Variants in SPNS2 observed in about 807,000 individuals in gnomAD.
The protein encoded by SPNS2 is SPNS lysolipid transporter 2, sphingosine-1-phosphate, also known as sphingosine-1-phosphate transporter SPNS2.
A neutral mutation model predicts 57.6 loss-of-function variants in SPNS2; 37 were observed. The observed-to-expected ratio is 0.64, with a 90% CI of 0.49 to 0.85. The LOEUF (loss-of-function observed/expected upper bound fraction) is 0.85. Among genes scored for constraint, SPNS2 ranks in the 40% least tolerant of loss-of-function variants. The pLI is 0.00. For missense variants in SPNS2, 831 were observed against 779.1 expected (o/e 1.07, Z -0.79); for synonymous variants, 440 against 346.9 (o/e 1.27, Z -2.98).
At chr17:4,532,809 G>T (rs1340706109) in intron 6 of SPNS2, 125 bp downstream of exon 6, 1 of 1,454,200 alleles carries the variant, frequency 6.9e-7, no homozygotes. Context: ...CTCAGTGCTG[G>T]GAGGGACATT....
At chr17:4,530,501 C>T in intron 3 of SPNS2, 131 bp from the exon 4 acceptor site, 1 of 1,090,566 alleles carries the variant, frequency 9.2e-7, no homozygotes, top group Non-Finnish European at 1.3e-6. Context: ...GGAGGTGCAG[C>T]CCACCAGCAC....
chr17:4,513,174 AAG>A, intron 1 of SPNS2, 71 bp from the exon 2 acceptor site: 1 of 1,538,024 alleles, frequency 6.5e-7, no homozygotes, highest in Non-Finnish European at 9.0e-7. Context: ...CAAGGCGGGA[AAG>A]AGGCTGGGCT....
Position 4,512,889 on chromosome 17 carries a change from CT to C in SPNS2, c.371-357del, listed in dbSNP as rs1305134590. 6.6e-6 allele frequency among the ~76,000 whole-genome samples: 1 copy of C among 152,210 alleles called. No homozygotes were observed. Among genetic ancestry groups the C allele is most frequent in the African/African-American group, 2.4e-5 (1 of 41,464 alleles). ...CTGAGTCATGGGCTTTGTGTTCCCC[CT>C]GAGGGAAAGGCCTATGTCTATTGCA... On this transcript the variant is annotated intron_variant, in intron 1 of 12. Coordinates refer to ENST00000329078, the MANE Select transcript of SPNS2 (RefSeq NM_001124758.3). This position sits in a 1 kb window ranked among gnomAD's most constrained non-coding sequence, Gnocchi z 5.2.
Position 4,537,883 on chromosome 17 carries a change from C to A in SPNS2, c.*435C>A. On this transcript the variant is annotated 3_prime_UTR_variant, in exon 13 of 13. Transcript: ENST00000329078. Reference sequence around the variant, plus strand: ...CTGCAGCTTTGAAGACTCAACAGACCCTGGACCATACGGAGAGCAGGTGGC... The same window carrying A: ...CTGCAGCTTTGAAGACTCAACAGACACTGGACCATACGGAGAGCAGGTGGC... 1 of 438,496 alleles carries A rather than the reference C, an allele frequency of 2.3e-6. No individual in the cohort carries two copies. The highest frequency in any genetic ancestry group is 1.6e-5 in the South Asian group (1 of 63,220). 27.2% of individuals were successfully genotyped at this position (438,496 alleles called of 1,614,324 possible).
intron 11 of SPNS2, 30 bp downstream of exon 11, chr17:4,536,456 C>T (rs770467515): frequency 1.9e-6 from 3 of 1,579,372 alleles, no homozygotes; most frequent in Admixed American, 1.7e-5. Context: ...GGCCCTGCTG[C>T]ACCGCCGGGA....
intron 11 of SPNS2, chr17:4,536,628 G>A (rs1905825176): frequency 7.0e-6 from 5 of 716,952 alleles, no homozygotes; most frequent in South Asian, 5.6e-5. Context: ...GGTGTCTGGT[G>A]GATCCAGACT....
intron 1 of SPNS2, among the ~76,000 whole-genome samples, chr17:4,503,640 G>T (rs1366383898): frequency 6.6e-6 from 1 of 152,222 alleles, no homozygotes; most frequent in Non-Finnish European, 1.5e-5. Flanking sequence ...ATGACTATTT[G>T]GGAACTGAGA....
In SPNS2 at chr17:4,498,959, T is replaced by G. The variant is rs1020399316; in HGVS notation, c.-89T>G. On this transcript the variant is annotated 5_prime_UTR_variant, in exon 1 of 13. Coordinates refer to ENST00000329078, the MANE Select transcript of SPNS2 (RefSeq NM_001124758.3). Reference sequence around the variant, plus strand: ...ACGGGGCCCGACCAGGATGGTGCAGTGGCGGCTCCGCGGCGCACGCACGCG... The same window carrying G: ...ACGGGGCCCGACCAGGATGGTGCAGGGGCGGCTCCGCGGCGCACGCACGCG... 27 of 874,914 alleles carry G rather than the reference T, an allele frequency of 3.1e-5. No individual in the cohort carries two copies. Among genetic ancestry groups the G allele is most frequent in the Non-Finnish European group, 3.6e-5 (26 of 730,200 alleles). The allele number at this position is 874,914 out of a possible 1,614,324, so 54.2% of individuals were successfully genotyped here. A position where few individuals can be genotyped will look rare whatever the true frequency, so the allele number is the denominator to read the frequency against.
Position 4,498,971 on chromosome 17 carries a change from G to A in SPNS2, c.-77G>A, listed in dbSNP as rs1205645332. On this transcript the variant is annotated 5_prime_UTR_variant, in exon 1 of 13. Transcript: ENST00000329078. ...CAGGATGGTGCAGTGGCGGCTCCGC[G>A]GCGCACGCACGCGCTGAGCGGGCCC... The A allele has an allele frequency of 2.1e-6, 2 of 931,844 alleles. No individual in the cohort carries two copies. The highest frequency in any genetic ancestry group is 2.6e-6 in the Non-Finnish European group (2 of 781,784). The allele number at this position is 931,844 out of a possible 1,614,324, so 57.7% of individuals were successfully genotyped here. A position where few individuals can be genotyped will look rare whatever the true frequency, so the allele number is the denominator to read the frequency against.
In SPNS2 at chr17:4,533,032, G is replaced by A; in HGVS notation, c.991G>A (p.Ala331Thr). 6.2e-7 allele frequency: 1 copy of A among 1,613,380 alleles called. No homozygotes were observed. Among genetic ancestry groups the A allele is most frequent in the Non-Finnish European group, 8.5e-7 (1 of 1,179,984 alleles). The change falls in exon 7 of 13, where the codon GCC (alanine) becomes ACC (threonine). Residue 331 changes from alanine (A) to threonine (T), a missense_variant. Transcript: ENST00000329078. The part of the protein sequence containing the change: ...ATSAVSFATG[A>T]LGMWIPLYLH... ...GTCGGCTGTCTCCTTCGCCACGGGGGCCCTGGGCATGTGGATCCCGCTCTA... is the reference window on the plus strand; with the variant it reads ...GTCGGCTGTCTCCTTCGCCACGGGGACCCTGGGCATGTGGATCCCGCTCTA...
In SPNS2 at chr17:4,538,477, G is replaced by A; in HGVS notation, c.*1029G>A. ...ATTCCACCAAGTGACCCCAGGGGGG[G>A]GCCAGGCCTTCGATCACCCACCTCC... On this transcript the variant is annotated 3_prime_UTR_variant, in exon 13 of 13. Coordinates refer to ENST00000329078, the MANE Select transcript of SPNS2 (RefSeq NM_001124758.3). 1 of 194,404 alleles carries A rather than the reference G, an allele frequency of 5.1e-6. No individual in the cohort carries two copies. The highest frequency in any genetic ancestry group is 1.0e-5 in the Non-Finnish European group (1 of 98,064). 12.0% of individuals were successfully genotyped at this position (194,404 alleles called of 1,614,324 possible).
chr17:4,527,556 A>C (rs1905291450), intron 3 of SPNS2, among the ~76,000 whole-genome samples: 1 of 152,246 alleles, frequency 6.6e-6, no homozygotes, highest in Admixed American at 6.5e-5. Context: ...AAAAAGACAA[A>C]TAACTCAGTA....
chr17:4,513,251 C>T lies in SPNS2; in HGVS notation c.375C>T (p.Val125=). 1 of 1,613,956 alleles carries T rather than the reference C, an allele frequency of 6.2e-7. No homozygotes were observed. The highest frequency in any genetic ancestry group is 8.5e-7 in the Non-Finnish European group (1 of 1,179,818). ...NYLDRYTVAG[V]LLDIQQHFGV... ...CACCCTCTGTCTTCCCTCCAGGCGT[C>T]CTTCTGGACATCCAGCAGCACTTTG... The change falls in exon 2 of 13, where the codon GTC becomes GTT. Residue 125 remains valine, a synonymous_variant. Transcript: ENST00000329078.
chr17:4,501,652 C>G (rs1266740971), intron 1 of SPNS2, among the ~76,000 whole-genome samples: 1 of 152,188 alleles, frequency 6.6e-6, no homozygotes, highest in Admixed American at 6.5e-5. Context: ...ATTTCCCCAT[C>G]TCCACTTCCC....
chr17:4,515,601 C>T (rs1370056403), intron 2 of SPNS2, among the ~76,000 whole-genome samples: 1 of 152,248 alleles, frequency 6.6e-6, no homozygotes, highest in Admixed American at 6.5e-5. Flanking sequence ...CCACCTAAGC[C>T]AAGAAGCCAG....
Position 4,499,169 on chromosome 17 carries a change from G to A in SPNS2, c.122G>A (p.Gly41Glu). 2 of 1,226,790 alleles carry A rather than the reference G, an allele frequency of 1.6e-6. No individual in the cohort carries two copies. Among genetic ancestry groups the A allele is most frequent in the Non-Finnish European group, 2.0e-6 (2 of 985,432 alleles). The allele number at this position is 1,226,790 out of a possible 1,614,324, so 76.0% of individuals were successfully genotyped here. A position where few individuals can be genotyped will look rare whatever the true frequency, so the allele number is the denominator to read the frequency against. ...GGGGCTGGCGGTAGCGGTTGCTGCG[G>A]GGCGCGGGGCGCGGGCGGCGCTGGA... is the stretch of plus-strand genomic sequence containing the variant. ...QRGAGGSGCC[G>E]ARGAGGAGVS... Residue 41 changes from glycine to glutamate, a missense_variant, in exon 1 of 13, where the codon GGG becomes GAG. By Grantham distance (98) the Gly-to-Glu change is moderately conservative. This residue lies in a region of SPNS2 where 305 missense variants were observed against 378.3 expected (regional missense o/e 0.81). Coordinates refer to ENST00000329078, the MANE Select transcript of SPNS2 (RefSeq NM_001124758.3). The surrounding 1 kb of genome is among the most constrained non-coding windows in gnomAD (Gnocchi z 5.2).
In SPNS2 at chr17:4,507,628, G is replaced by A. The variant is rs144502135; in HGVS notation, c.371-5619G>A. Among the ~76,000 whole-genome samples, 753 of 152,364 alleles carry A rather than the reference G, an allele frequency of 4.9e-3. 4 individuals are homozygous for A. The highest frequency in any genetic ancestry group is 0.017 in the African/African-American group (708 of 41,588). On this transcript the variant is annotated intron_variant, in intron 1 of 12. Coordinates refer to ENST00000329078, the MANE Select transcript of SPNS2 (RefSeq NM_001124758.3). ...CACAGCAGAGAAAGTGGGAAAACCA[G>A]GATTTAAACCCAGATGCTCCAGTTC... is the stretch of plus-strand genomic sequence containing the variant.
rs1904808773 is a variant in SPNS2 at position 4,510,730 on chromosome 17, T to TG, written c.371-2516dup. On this transcript the variant is annotated intron_variant, in intron 1 of 12. Transcript: ENST00000329078. This position sits in a 1 kb window ranked among gnomAD's most constrained non-coding sequence, Gnocchi z 4.4. ...ACCAAAATCGTGACTGTCCCTGCTC[T>TG]GAGTCCTGGAGATGACCGGCCACGG... Among the ~76,000 whole-genome samples the TG allele has an allele frequency of 6.6e-6, 1 of 152,206 alleles. No homozygotes were observed. Among genetic ancestry groups the TG allele is most frequent in the Admixed American group, 6.5e-5 (1 of 15,284 alleles).
In SPNS2 at chr17:4,499,979, AGGCTCCG is replaced by A. The variant is rs1904424478; in HGVS notation, c.370+567_370+573del. On this transcript the variant is annotated intron_variant, in intron 1 of 12. Coordinates refer to ENST00000329078, the MANE Select transcript of SPNS2 (RefSeq NM_001124758.3). The surrounding 1 kb of genome is among the most constrained non-coding windows in gnomAD (Gnocchi z 5.2). ...TTGTGTGTGAGCGCGTGGCTGACAA[AGGCTCCG>A]GGCTGCGGGGAGCGGAGGGAGGGGC... Among the ~76,000 whole-genome samples the A allele has an allele frequency of 6.6e-6, 1 of 151,186 alleles. No individual in the cohort carries two copies. The highest frequency in any genetic ancestry group is 1.5e-5 in the Non-Finnish European group (1 of 67,700).
Sources: allele counts gnomAD v4.1 joint callset (sites outside exome capture counted in the v4.1 genomes callset), GRCh38; gene constraint gnomAD v4.1.1; regional missense constraint gnomAD v4.1.1; non-coding constraint Gnocchi (gnomAD v3.1); transcripts MANE v1.5; gene names NCBI Gene and HGNC (gene_info 2026-07-23, HGNC 2026-07-21).